The following TRAPPC8 variants were observed in gnomAD, a reference collection of about 807,000 sequenced individuals.
The protein encoded by TRAPPC8 is general sporulation gene 1 homolog.
A neutral mutation model predicts 174.3 loss-of-function variants in TRAPPC8; 54 were observed. The observed-to-expected ratio is 0.31, with a 90% CI of 0.25 to 0.39. The LOEUF is 0.39. Among genes scored for constraint, TRAPPC8 ranks in the 10% least tolerant of loss-of-function variants. The pLI, the probability that TRAPPC8 is intolerant of heterozygous loss-of-function variation, is 1.00. For missense variants in TRAPPC8, 1,531 were observed against 1,699.1 expected (o/e 0.90, Z 1.74); for synonymous variants, 630 against 579.9 (o/e 1.09, Z -1.24).
Position 31,872,065 on chromosome 18 carries a change from G to T in TRAPPC8, c.2063-945C>A, listed in dbSNP as rs1417974990. On this transcript the variant is annotated intron_variant, in intron 14 of 28. Coordinates refer to ENST00000283351, the MANE Select transcript of TRAPPC8 (RefSeq NM_014939.5). The stretch of plus-strand genomic sequence containing the variant: ...TGGTGGCAAAGTCTGGGCTTTTCGT[G>T]TAGCCATCACCCAAATAGTATACAT... 3.3e-5 allele frequency among the ~76,000 whole-genome samples: 5 copies of T among 152,044 alleles called. 1 individual carries two copies. The highest frequency in any genetic ancestry group is 2.6e-4 in the Admixed American group (4 of 15,272).
At chr18:31,868,596 CTCAT>C (rs1280861944) in intron 16 of TRAPPC8, among the ~76,000 whole-genome samples, 4 of 152,142 alleles carry the variant, frequency 2.6e-5, no homozygotes, top group African/African-American at 4.8e-5. Context: ...CCTGGGAAAT[CTCAT>C]TCAAATTATT....
Position 31,875,277 on chromosome 18 carries a change from G to A in TRAPPC8, c.1729-573C>T, listed in dbSNP as rs578240268. ...TCAGAGACTTACATTGAATGTATGT[G>A]GCCACATATGCCACAGTTTTCCACA... is the stretch of plus-strand genomic sequence containing the variant. On this transcript the variant is annotated intron_variant, in intron 12 of 28. Coordinates refer to ENST00000283351, the MANE Select transcript of TRAPPC8 (RefSeq NM_014939.5). Among the ~76,000 whole-genome samples, 5 of 150,608 alleles carry A rather than the reference G, an allele frequency of 3.3e-5. No homozygotes were observed. In the South Asian group the frequency reaches 8.4e-4, roughly 25 times the overall value.
rs935291966 is a variant in TRAPPC8, at chr18:31,916,824, G to A, written c.443-378C>T. On this transcript the variant is annotated intron_variant, in intron 3 of 28. Coordinates refer to ENST00000283351, the MANE Select transcript of TRAPPC8 (RefSeq NM_014939.5). Reference sequence around the variant, plus strand: ...GCTAGGATTATAGGCATGAGCCACCGTGCCCAGCGGTATTTTCACAGCAAA... The same window carrying A: ...GCTAGGATTATAGGCATGAGCCACCATGCCCAGCGGTATTTTCACAGCAAA... Among the ~76,000 whole-genome samples the A allele has an allele frequency of 4.3e-5, 6 of 139,732 alleles. No individual in the cohort carries two copies. In the East Asian group the frequency reaches 8.3e-4, roughly 19 times the overall value. The allele number at this position is 139,732 out of a possible 152,430, so 91.7% of individuals were successfully genotyped here. A position where few individuals can be genotyped will look rare whatever the true frequency, so the allele number is the denominator to read the frequency against.
intron 11 of TRAPPC8, among the ~76,000 whole-genome samples, chr18:31,893,049 T>C: frequency 6.6e-6 from 1 of 151,824 alleles, no homozygotes. Context: ...AAACAACATC[T>C]TGTTCCTTAA....
intron 27 of TRAPPC8, among the ~76,000 whole-genome samples, chr18:31,836,840 C>A (rs952614813): frequency 2.0e-5 from 3 of 148,214 alleles, no homozygotes; most frequent in Non-Finnish European, 4.4e-5. Context: ...CGGCTCACTG[C>A]AAGCTCCGCC....
intron 28 of TRAPPC8, 61 bp from the exon 29 acceptor site, chr18:31,831,050 T>G (rs1364054899): frequency 4.1e-6 from 6 of 1,455,566 alleles, no homozygotes; most frequent in Admixed American, 3.8e-5. Flanking sequence ...TTTCCCAAAG[T>G]CACATTAACA....
At chr18:31,863,695 C>A (rs1245555211) in intron 19 of TRAPPC8, among the ~76,000 whole-genome samples, 2 of 152,056 alleles carry the variant, frequency 1.3e-5, no homozygotes, top group East Asian at 1.9e-4. Context: ...TCCTTGTAAA[C>A]CCCCTACTAG....
intron 1 of TRAPPC8, among the ~76,000 whole-genome samples, chr18:31,933,502 T>C (rs549899718): frequency 1.3e-5 from 2 of 152,296 alleles, no homozygotes; most frequent in East Asian, 1.9e-4. Flanking sequence ...AGGTGAACTA[T>C]TGTTAGACAG....
At chr18:31,938,368 T>A (rs1360807122) in intron 1 of TRAPPC8, among the ~76,000 whole-genome samples, 2 of 151,588 alleles carry the variant, frequency 1.3e-5, no homozygotes, top group Non-Finnish European at 2.9e-5. Context: ...TATATTTTAA[T>A]ATAATTTAAT....
chr18:31,857,061 C>G (rs978274277), intron 20 of TRAPPC8, among the ~76,000 whole-genome samples: 1 of 152,140 alleles, frequency 6.6e-6, no homozygotes, highest in Non-Finnish European at 1.5e-5. Context: ...CAGTGATCAT[C>G]TATTGTAACA....
rs777505811 is a variant in TRAPPC8, at chr18:31,849,754, T to C, written c.3562-15A>G. 1.3e-6 allele frequency: 2 copies of C among 1,564,434 alleles called. No individual in the cohort carries two copies. The highest frequency in any genetic ancestry group is 2.0e-5 in the Admixed American group (1 of 49,482). ...GAACTTATTATCTGTTAAAAGAAAATCACTTGTGTTCATAAATGCTTTTAA... is the reference window on the plus strand; with the variant it reads ...GAACTTATTATCTGTTAAAAGAAAACCACTTGTGTTCATAAATGCTTTTAA... On this transcript the variant is annotated splice_polypyrimidine_tract_variant and intron_variant, in intron 24 of 28. Coordinates refer to ENST00000283351, the MANE Select transcript of TRAPPC8 (RefSeq NM_014939.5).
chr18:31,917,860 A>G (rs1432695152), intron 2 of TRAPPC8, among the ~76,000 whole-genome samples, 193 bp from the exon 3 acceptor site: 1 of 152,206 alleles, frequency 6.6e-6, no homozygotes, highest in Non-Finnish European at 1.5e-5. Flanking sequence ...ACGGTGGCTC[A>G]GGCCTGTAAT....
intron 6 of TRAPPC8, 156 bp downstream of exon 6, chr18:31,909,511 T>C: frequency 7.2e-6 from 7 of 977,372 alleles, no homozygotes; most frequent in Non-Finnish European, 8.5e-6. Context: ...CAAACTCAAG[T>C]AGCTCAGTAA....
chr18:31,839,341 T>C lies in TRAPPC8; in HGVS notation c.3954A>G (p.Glu1318=). ...TTTGATGAAATGGATGATTAAATGATTCTGGGTAGTGAAGACTCGTTTTAA... is the reference window on the plus strand; with the variant it reads ...TTTGATGAAATGGATGATTAAATGACTCTGGGTAGTGAAGACTCGTTTTAA... The part of the protein sequence containing the change: ...SLIKTSLHYP[E]SFNHPFHQKS... The change falls in exon 27 of 29, where the codon GAA becomes GAG. Residue 1318 remains glutamate (E), a synonymous_variant. Coordinates refer to ENST00000283351, the MANE Select transcript of TRAPPC8 (RefSeq NM_014939.5). 2 of 1,607,380 alleles carry C rather than the reference T, an allele frequency of 1.2e-6. No homozygotes were observed. Among genetic ancestry groups the C allele is most frequent in the Non-Finnish European group, 1.7e-6 (2 of 1,177,264 alleles).
At chr18:31,935,364 C>CAAAAAA (rs10646414) in intron 1 of TRAPPC8, among the ~76,000 whole-genome samples, 65,002 of 108,112 alleles carry the variant, frequency 0.6, 22,145 homozygotes, top group East Asian at 0.9. Context: ...ACAAACAAAC[C>CAAAAAA]AAAAAAAAAA....
chr18:31,863,548 CA>C (rs1473470696), intron 19 of TRAPPC8, among the ~76,000 whole-genome samples: 41 of 152,140 alleles, frequency 2.7e-4, no homozygotes, highest in African/African-American at 9.6e-4. Context: ...CTGTTAAGGA[CA>C]AAAAGCAAGT....
At chr18:31,834,560 C>T (rs2032595035) in intron 27 of TRAPPC8, among the ~76,000 whole-genome samples, 1 of 152,174 alleles carries the variant, frequency 6.6e-6, no homozygotes, top group South Asian at 2.1e-4. Context: ...AGTCAGACTG[C>T]TACCTGTACC....
At chr18:31,903,117 CGTGCGTGTGT>C (rs1032650033) in intron 9 of TRAPPC8, among the ~76,000 whole-genome samples, 4 of 90,230 alleles carry the variant, frequency 4.4e-5, no homozygotes, top group Non-Finnish European at 9.6e-5. Context: ...CGCGTGCGTG[CGTGCGTGTGT>C]GTGTGTGTGT....
intron 1 of TRAPPC8, among the ~76,000 whole-genome samples, chr18:31,932,196 GAGAC>G (rs1230865067): frequency 6.6e-6 from 1 of 151,978 alleles, no homozygotes; most frequent in African/African-American, 2.4e-5. Context: ...TTGGGAGGCC[GAGAC>G]AGACAGCTTG....
Sources: gnomAD v4.1 joint callset for allele counts (sites outside exome capture counted in the v4.1 genomes callset) on GRCh38, gnomAD v4.1.1 for gene constraint, MANE v1.5 for transcripts, NCBI Gene and HGNC (gene_info 2026-07-23, HGNC 2026-07-21) for gene names.